Variants in MDN1 observed in about 807,000 individuals in gnomAD.
The protein encoded by MDN1 is midasin AAA ATPase 1.
Under a neutral mutation model 669.2 loss-of-function variants are expected in MDN1, and 266 were observed. That is an observed-to-expected ratio of 0.40 (90% CI 0.36 to 0.44). The LOEUF is 0.44. Among genes scored for constraint, MDN1 ranks in the 20% least tolerant of loss-of-function variants. MDN1 has a pLI of 1.00. For synonymous variants in MDN1, 2,385 were observed against 2,457.1 expected, an observed-to-expected ratio of 0.97 and a Z score of 0.87; for missense variants, 5,940 against 6,754.0, an observed-to-expected ratio of 0.88 and a Z score of 4.22.
chr6:89,676,932 G>C (rs892890275), intron 76 of MDN1, among the ~76,000 whole-genome samples: 4 of 141,588 alleles, frequency 2.8e-5, no homozygotes, highest in African/African-American at 1.0e-4. Flanking sequence ...TATGTATATA[G>C]AGCAACTAAA....
intron 96 of MDN1, 27 bp from the exon 97 acceptor site, chr6:89,650,225 T>C (rs752678302): frequency 1.9e-6 from 3 of 1,596,116 alleles, no homozygotes; most frequent in African/African-American, 1.3e-5. Flanking sequence ...GGGCAAAAAT[T>C]AGTTAACAAC....
rs1816401918 is a variant in MDN1, at chr6:89,743,477, T to C, written c.4317+99A>G. 5.0e-5 allele frequency: 72 copies of C among 1,450,594 alleles called. 1 individual carries two copies. In the South Asian group the frequency reaches 9.3e-4, roughly 19 times the overall value. 89.9% of individuals were successfully genotyped at this position (1,450,594 alleles called of 1,614,324 possible). On this transcript the variant is annotated intron_variant, in intron 30 of 101. Transcript: ENST00000369393. Reference sequence around the variant, plus strand: ...GAGAAAATCTGCAGATATGCACATTTAACCAAACCAGAACCCAGCTCCAGA... The same window carrying C: ...GAGAAAATCTGCAGATATGCACATTCAACCAAACCAGAACCCAGCTCCAGA...
intron 10 of MDN1, 32 bp downstream of exon 10, chr6:89,781,354 AAAAAAAAAGAAAG>A: frequency 6.4e-7 from 1 of 1,567,956 alleles, no homozygotes; most frequent in Non-Finnish European, 8.7e-7. Context: ...CTGTCTCACA[AAAAAAAAAGAAAG>A]AAAGAAAAGA....
chr6:89,655,909 CTCATTGTGATCACCCATGGAACGT>C lies in MDN1; in HGVS notation c.15321_15344del (p.Ser5109_Arg5116del). The C allele has an allele frequency of 6.2e-7, 1 of 1,614,148 alleles. No individual in the cohort carries two copies. Among genetic ancestry groups the C allele is most frequent in the Non-Finnish European group, 8.5e-7 (1 of 1,180,040 alleles). On this transcript the variant is annotated inframe_deletion, in exon 92 of 102. Transcript: ENST00000369393. ...CAGTCCTCAGCCTCTTGTGCACACG[CTCATTGTGATCACCCATGGAACGT>C]TCATTGTCAGCCTGCCCAGGTTTCC...
chr6:89,722,860 A>AT (rs1230202587), intron 40 of MDN1, 95 bp downstream of exon 40: 1 of 1,164,886 alleles, frequency 8.6e-7, no homozygotes, highest in Admixed American at 2.5e-5. Context: ...AAAAAAAAAA[A>AT]AAAAAAAGGC....
intron 88 of MDN1, among the ~76,000 whole-genome samples, chr6:89,660,931 G>C (rs923223007): frequency 3.9e-5 from 6 of 152,154 alleles, no homozygotes; most frequent in African/African-American, 1.4e-4. Context: ...ATTCACTAGG[G>C]TTGAAAAATG....
chr6:89,677,439 G>T, intron 76 of MDN1, 131 bp downstream of exon 76: 1 of 1,153,218 alleles, frequency 8.7e-7, no homozygotes, highest in Non-Finnish European at 1.2e-6. Context: ...TCCTGAGCCA[G>T]GCACTTTTGT....
intron 33 of MDN1, among the ~76,000 whole-genome samples, chr6:89,738,033 T>C (rs756429001): frequency 6.6e-6 from 1 of 152,082 alleles, no homozygotes; most frequent in African/African-American, 2.4e-5. Flanking sequence ...CAAAAAAATT[T>C]TTAAATAAAG....
chr6:89,816,868 G>T (rs752733724), intron 1 of MDN1, among the ~76,000 whole-genome samples: 4 of 151,728 alleles, frequency 2.6e-5, no homozygotes, highest in Non-Finnish European at 5.9e-5. Flanking sequence ...TAAAGACAGG[G>T]TTTCACCATG....
Position 89,656,888 on chromosome 6 carries a change from C to T in MDN1, c.15184-87G>A, listed in dbSNP as rs1210866594. The T allele has an allele frequency of 4.6e-6, 5 of 1,086,800 alleles. No homozygotes were observed. In the Admixed American group the frequency reaches 5.9e-5, roughly 13 times the overall value. The allele number at this position is 1,086,800 out of a possible 1,614,324, so 67.3% of individuals were successfully genotyped here. A position where few individuals can be genotyped will look rare whatever the true frequency, so the allele number is the denominator to read the frequency against. ...GTGCTGCATTGAATACAACTTCTCT[C>T]ACTGCTGTCCTTTATTCTCAGTCAT... On this transcript the variant is annotated intron_variant, in intron 90 of 101. Transcript: ENST00000369393.
intron 14 of MDN1, among the ~76,000 whole-genome samples, chr6:89,771,966 C>T (rs1818104254): frequency 6.6e-6 from 1 of 152,110 alleles, no homozygotes; most frequent in Admixed American, 6.6e-5. Context: ...CTCAGGCTCC[C>T]AAAGTGCTAG....
At position 89,754,113 on chromosome 6, in the gene MDN1, T is replaced by C. The variant is rs772467911; in HGVS notation, c.2934A>G (p.Pro978=). The C allele has an allele frequency of 1.2e-6, 2 of 1,613,846 alleles. No individual in the cohort carries two copies. The highest frequency in any genetic ancestry group is 1.7e-6 in the Non-Finnish European group (2 of 1,179,956). ...AGAGTGAGCGCTGAATGTTGCCACA[T>C]GGATTGGAGGCTGCAAATCGCAGGG... ...CRALRFAASN[P]CGNIQRSLYE... Residue 978 remains proline, a synonymous_variant, in exon 21 of 102, where the codon CCA becomes CCG. Transcript: ENST00000369393.
intron 1 of MDN1, among the ~76,000 whole-genome samples, chr6:89,804,370 T>C (rs1487113638): frequency 1.4e-4 from 22 of 152,142 alleles, no homozygotes; most frequent in Admixed American, 1.4e-3. Flanking sequence ...GTTAATTTAA[T>C]ATAAAGGCTG....
chr6:89,809,154 G>A (rs1344147576), intron 1 of MDN1, among the ~76,000 whole-genome samples: 1 of 149,024 alleles, frequency 6.7e-6, no homozygotes, highest in African/African-American at 2.5e-5. Flanking sequence ...AAGGTTGAGG[G>A]TGCAGTGAGC....
chr6:89,694,042 C>A lies in MDN1; in HGVS notation c.9881+32G>T, dbSNP rs762324679. On this transcript the variant is annotated intron_variant, in intron 62 of 101. Transcript: ENST00000369393. ...TTACATCAAAAGGAGAGTCAATAAT[C>A]CCCAAAACAAATAATCACTCTGCTG... 9 of 1,553,942 alleles carry A rather than the reference C, an allele frequency of 5.8e-6. 1 individual carries two copies. The African/African-American group carries it at 6.8e-5, about 12-fold the overall frequency.
In MDN1 at chr6:89,678,696, G is replaced by C. The variant is rs761698903; in HGVS notation, c.12315C>G (p.Pro4105=). ...ACCGCTGCTTCTCCTTCTCTGCAGAGGGTTCCACCTTTAAGCTCTGCAGCT... is the reference window on the plus strand; with the variant it reads ...ACCGCTGCTTCTCCTTCTCTGCAGACGGTTCCACCTTTAAGCTCTGCAGCT... ...VSELQSLKVE[P]SAEKEKQRSE... is the part of the protein sequence containing the mutation. The change falls in exon 75 of 102, where the codon CCC becomes CCG. Residue 4105 remains proline (P), a synonymous_variant. Transcript: ENST00000369393. 1 of 1,614,110 alleles carries C rather than the reference G, an allele frequency of 6.2e-7. No homozygotes were observed. The highest frequency in any genetic ancestry group is 8.5e-7 in the Non-Finnish European group (1 of 1,179,988).
chr6:89,793,655 C>T (rs1819400948), intron 5 of MDN1, 107 bp downstream of exon 5: 3 of 881,688 alleles, frequency 3.4e-6, no homozygotes, highest in Non-Finnish European at 4.8e-6. Flanking sequence ...AGCAATTTAA[C>T]AAACTAAATT....
intron 2 of MDN1, 106 bp downstream of exon 2, chr6:89,803,217 CTCCTT>C (rs1038168897): frequency 2.2e-6 from 2 of 895,802 alleles, no homozygotes; most frequent in African/African-American, 3.3e-5. Context: ...ATTTATCTCT[CTCCTT>C]TCTGTATTTC....
rs1281601651 is a variant in MDN1, at chr6:89,686,941, G to A, written c.11533C>T (p.Leu3845Phe). 1 of 1,613,724 alleles carries A rather than the reference G, an allele frequency of 6.2e-7. No homozygotes were observed. Among genetic ancestry groups the A allele is most frequent in the African/African-American group, 1.3e-5 (1 of 74,840 alleles). ...GTTTGTTCCTGCATGTGCTTCTCAA[G>A]CATCTGATAGATGGAGAACCAGTGC... ...TKHWFSIYQMLEKHMQEQTEE... is the reference protein window; with the variant it reads ...TKHWFSIYQMFEKHMQEQTEE... The change falls in exon 69 of 102, where the codon CTT becomes TTT. Residue 3845 changes from leucine (L) to phenylalanine (F), a missense_variant. Leu to Phe is a conservative substitution (Grantham distance 22). Coordinates refer to ENST00000369393, the MANE Select transcript of MDN1 (RefSeq NM_014611.3).
Sources: allele counts gnomAD v4.1 joint callset (sites outside exome capture counted in the v4.1 genomes callset), GRCh38; gene constraint gnomAD v4.1.1; transcripts MANE v1.5; gene names NCBI Gene and HGNC (gene_info 2026-07-23, HGNC 2026-07-21).